Variants in DDHD1 observed in about 807,000 individuals in gnomAD.
DDHD1 encodes the protein phospholipase DDHD1.
DDHD1 carries 49 observed loss-of-function variants against 96.4 expected under a neutral mutation model. The ratio of observed to expected loss-of-function variants is 0.51; its 90% CI spans 0.40 to 0.64. DDHD1 has a LOEUF of 0.64. Among genes scored for constraint, DDHD1 ranks in the 30% least tolerant of loss-of-function variants. DDHD1 has a pLI of 0.00. For missense variants in DDHD1, 1,106 were observed against 1,161.2 expected, an observed-to-expected ratio of 0.95 and a Z score of 0.69; for synonymous variants, 442 against 446.5, an observed-to-expected ratio of 0.99 and a Z score of 0.13.
chr14:53,080,464 A>AT (rs1252381534), intron 4 of DDHD1, among the ~76,000 whole-genome samples: 1 of 152,106 alleles, frequency 6.6e-6, no homozygotes, highest in East Asian at 1.9e-4. Context: ...GGTTGAACAT[A>AT]TTTTTATTTT....
Position 53,069,575 on chromosome 14 carries a change from G to C in DDHD1, c.1503+3022C>G, listed in dbSNP as rs139401145. ...TATGTACTGGGAAACCAAAAAATTTGCATGACTTGCTTTATTGTGACATTC... is the reference window on the plus strand; with the variant it reads ...TATGTACTGGGAAACCAAAAAATTTCCATGACTTGCTTTATTGTGACATTC... On this transcript the variant is annotated intron_variant, in intron 6 of 12. Transcript: ENST00000673822. Among the ~76,000 whole-genome samples, 5 of 152,252 alleles carry C rather than the reference G, an allele frequency of 3.3e-5. No homozygotes were observed. In the East Asian group the frequency reaches 9.6e-4, roughly 29 times the overall value.
At chr14:53,120,025 G>A (rs1013816015) in intron 1 of DDHD1, among the ~76,000 whole-genome samples, 3 of 152,070 alleles carry the variant, frequency 2.0e-5, no homozygotes, top group African/African-American at 7.2e-5. Context: ...CTCTGCAAAT[G>A]ACATGATTGT....
chr14:53,055,857 T>G lies in DDHD1; in HGVS notation c.2048A>C (p.Gln683Pro), dbSNP rs1883003986. Residue 683 changes from glutamine to proline, a missense_variant, in exon 10 of 13, where the codon CAG (glutamine) becomes CCG (proline). This residue lies in a region of DDHD1 where 650 missense variants were observed against 758.8 expected (regional missense o/e 0.86). Transcript: ENST00000673822. Reference sequence around the variant, plus strand: ...ATTTGAAGTATTGTACCAGTGGATCTGGACAGGTGAAATGTTGCTGTAGTG... The same window carrying G: ...ATTTGAAGTATTGTACCAGTGGATCGGGACAGGTGAAATGTTGCTGTAGTG... Reference protein sequence around the residue: ...LKHYSNISPVQIHWYNTSNPL... With the variant: ...LKHYSNISPVPIHWYNTSNPL... 1.2e-6 allele frequency: 2 copies of G among 1,613,658 alleles called. No individual in the cohort carries two copies. Among genetic ancestry groups the G allele is most frequent in the Non-Finnish European group, 8.5e-7 (1 of 1,179,712 alleles).
At chr14:53,065,195 C>T (rs1042574872) in intron 6 of DDHD1, among the ~76,000 whole-genome samples, 8 of 152,052 alleles carry the variant, frequency 5.3e-5, no homozygotes, top group Admixed American at 3.3e-4. Flanking sequence ...AGGAAATGAA[C>T]GTAAGGAGGA....
chr14:53,073,805 G>A lies in DDHD1; in HGVS notation c.1332C>T (p.Ser444=), dbSNP rs762516742. Residue 444 remains serine (S), a synonymous_variant, in exon 5 of 13, where the codon TCC becomes TCT. Coordinates refer to ENST00000673822, the MANE Select transcript of DDHD1 (RefSeq NM_001160148.2). The part of the protein sequence containing the change: ...AARKIEERHF[S]NHATHVEFLP... The stretch of plus-strand genomic sequence containing the variant: ...GAAATTCAACATGTGTTGCATGGTT[G>A]GAAAAATGCCTTTCTTCTATTTTTC... The A allele has an allele frequency of 1.2e-6, 2 of 1,609,062 alleles. No individual in the cohort carries two copies. The highest frequency in any genetic ancestry group is 1.1e-5 in the South Asian group (1 of 90,558).
chr14:53,036,996 AAT>A lies in DDHD1; in HGVS notation c.*9770_*9771del, dbSNP rs1881309350. ...CCCACCTTTGCATCCTGAGGTACTC[AAT>A]ATTTAGCTCCCATTTGTTAGAACAT... On this transcript the variant is annotated 3_prime_UTR_variant, in exon 13 of 13. Coordinates refer to ENST00000673822, the MANE Select transcript of DDHD1 (RefSeq NM_001160148.2). The A allele has an allele frequency of 6.6e-6, 1 of 152,100 alleles. No homozygotes were observed. The highest frequency in any genetic ancestry group is 2.1e-4 in the South Asian group (1 of 4,812). 9.4% of individuals were successfully genotyped at this position (152,100 alleles called of 1,614,324 possible).
At chr14:53,087,278 C>T (rs1318466664) in intron 4 of DDHD1, among the ~76,000 whole-genome samples, 2 of 151,992 alleles carry the variant, frequency 1.3e-5, no homozygotes, top group African/African-American at 4.8e-5. Flanking sequence ...CAAGGATATC[C>T]GGGACTTGAA....
chr14:53,088,888 C>T (rs553213670), intron 4 of DDHD1, among the ~76,000 whole-genome samples: 1 of 152,248 alleles, frequency 6.6e-6, no homozygotes, highest in Admixed American at 6.5e-5. Context: ...ATCGTCCCTA[C>T]TTGCAGATGA....
Position 53,046,703 on chromosome 14 carries a change from G to C in DDHD1, c.*65C>G. On this transcript the variant is annotated 3_prime_UTR_variant, in exon 13 of 13. Transcript: ENST00000673822. Reference sequence around the variant, plus strand: ...TTTAACCCTGAAATCTCCGTATCTTGACACACACATTTTAACGGAAAAAAA... The same window carrying C: ...TTTAACCCTGAAATCTCCGTATCTTCACACACACATTTTAACGGAAAAAAA... 9.0e-7 allele frequency: 1 copy of C among 1,115,062 alleles called. No individual in the cohort carries two copies. Among genetic ancestry groups the C allele is most frequent in the East Asian group, 2.7e-5 (1 of 37,328 alleles). 69.1% of individuals were successfully genotyped at this position (1,115,062 alleles called of 1,614,324 possible). A position where few individuals can be genotyped will look rare whatever the true frequency, so the allele number is the denominator to read the frequency against.
chr14:53,056,997 A>G (rs1883107834), intron 9 of DDHD1, among the ~76,000 whole-genome samples: 2 of 152,170 alleles, frequency 1.3e-5, no homozygotes, highest in African/African-American at 4.8e-5. Context: ...ACTTAATCCT[A>G]ACAATCCTAG....
At chr14:53,050,498 T>G (rs1056998031) in intron 12 of DDHD1, among the ~76,000 whole-genome samples, 2 of 152,108 alleles carry the variant, frequency 1.3e-5, no homozygotes, top group East Asian at 3.9e-4. Context: ...TCCCTAGAAC[T>G]GAGAGAGTCC....
intron 1 of DDHD1, among the ~76,000 whole-genome samples, chr14:53,114,288 C>T (rs373359820): frequency 3.3e-5 from 5 of 152,206 alleles, no homozygotes; most frequent in African/African-American, 7.2e-5. Context: ...GCTGTGGGCA[C>T]GAGGCTTCAG....
chr14:53,077,663 GTT>G (rs752020104), intron 4 of DDHD1, among the ~76,000 whole-genome samples: 1 of 56,732 alleles, frequency 1.8e-5, no homozygotes, highest in Non-Finnish European at 4.0e-5. Context: ...ATTAGTTTTT[GTT>G]TTTGTTTTTT....
intron 8 of DDHD1, 32 bp downstream of exon 8, chr14:53,061,094 C>T (rs1368777812): frequency 1.3e-6 from 2 of 1,577,096 alleles, no homozygotes; most frequent in Non-Finnish European, 1.7e-6. Context: ...ATACTGAGAT[C>T]AATGTTGAAG....
rs532545600 is a variant in DDHD1, at chr14:53,071,982, C to T, written c.1503+615G>A. ...CCTCTCTTGGCATCAGTTTCCTCAT[C>T]CTTCAAATGAGGATACTAATCATAC... On this transcript the variant is annotated intron_variant, in intron 6 of 12. Transcript: ENST00000673822. Among the ~76,000 whole-genome samples, 56 of 152,200 alleles carry T rather than the reference C, an allele frequency of 3.7e-4. No individual in the cohort carries two copies. In the Middle Eastern group the frequency reaches 0.01, roughly 28 times the overall value.
chr14:53,067,601 G>A (rs938841972), intron 6 of DDHD1, among the ~76,000 whole-genome samples: 1 of 152,156 alleles, frequency 6.6e-6, no homozygotes, highest in Non-Finnish European at 1.5e-5. Flanking sequence ...GGGATTATAG[G>A]CGTGTGCCAC....
intron 1 of DDHD1, among the ~76,000 whole-genome samples, chr14:53,124,533 C>T (rs887041641): frequency 2.0e-5 from 3 of 152,092 alleles, no homozygotes; most frequent in African/African-American, 4.8e-5. Context: ...TAACTGGGAT[C>T]GCATTTGAAA....
At chr14:53,106,068 T>C (rs1887669613) in intron 1 of DDHD1, among the ~76,000 whole-genome samples, 1 of 152,148 alleles carries the variant, frequency 6.6e-6, no homozygotes, top group Admixed American at 6.6e-5. Context: ...ATTTAAAAGG[T>C]ATTGTATGAC....
At chr14:53,139,709 A>G (rs569335454) in intron 1 of DDHD1, among the ~76,000 whole-genome samples, 1 of 152,104 alleles carries the variant, frequency 6.6e-6, no homozygotes, top group South Asian at 2.1e-4. Context: ...AAACAAAAAC[A>G]AAAAAACAAA....
Sources: allele counts gnomAD v4.1 joint callset (sites outside exome capture counted in the v4.1 genomes callset), GRCh38; gene constraint gnomAD v4.1.1; regional missense constraint gnomAD v4.1.1; transcripts MANE v1.5; gene names NCBI Gene and HGNC (gene_info 2026-07-23, HGNC 2026-07-21).